TBCCD1: variants seen among roughly 807,000 people sequenced by gnomAD.
TBCCD1 encodes the protein TBCC domain containing 1.
A neutral mutation model predicts 53.4 loss-of-function variants in TBCCD1; 26 were observed. That is an observed-to-expected ratio of 0.49 (90% CI 0.36 to 0.68). The LOEUF (loss-of-function observed/expected upper bound fraction) is 0.68, where lower values mean the gene tolerates loss of function less well. TBCCD1 is among the 30% of genes least tolerant of loss of function. The probability of loss-of-function intolerance (pLI) is 0.00; values close to 1 mark genes in which losing one functional copy is unlikely to be tolerated. For missense variants in TBCCD1, 558 were observed against 669.5 expected (o/e 0.83, Z 1.84); for synonymous variants, 245 against 241.7 (o/e 1.01, Z -0.13).
chr3:186,549,964 C>T (rs1025366264), intron 7 of TBCCD1, among the ~76,000 whole-genome samples: 4 of 152,008 alleles, frequency 2.6e-5, no homozygotes, highest in South Asian at 2.1e-4. Flanking sequence ...CGGTGGCTCA[C>T]GTCTGTAATC....
At chr3:186,564,456 A>C (rs1714771823) in intron 1 of TBCCD1, 84 bp from the exon 2 acceptor site, 1 of 863,738 alleles carries the variant, frequency 1.2e-6, no homozygotes, top group Non-Finnish European at 1.7e-6. Flanking sequence ...CCTCTCTCTC[A>C]ACTGTGTCAT....
In TBCCD1 at chr3:186,564,302, C is replaced by T. The variant is rs752232227; in HGVS notation, c.28G>A (p.Val10Met). 6.2e-7 allele frequency: 1 copy of T among 1,614,028 alleles called. No individual in the cohort carries two copies. The highest frequency in any genetic ancestry group is 8.5e-7 in the Non-Finnish European group (1 of 1,179,936). Residue 10 changes from valine (V) to methionine (M), a missense_variant, in exon 2 of 8, where the codon GTG (valine) becomes ATG (methionine). Coordinates refer to ENST00000338733, the MANE Select transcript of TBCCD1 (RefSeq NM_018138.5). ...CCCACTATAAAGGGTTCTGCTTTCACCCAGAGGAGAACTCTGGACTGATCC... is the reference window on the plus strand; with the variant it reads ...CCCACTATAAAGGGTTCTGCTTTCATCCAGAGGAGAACTCTGGACTGATCC... MDQSRVLLW[V>M]KAEPFIVGAL...
At chr3:186,568,917 AAT>A (rs1307105226), upstream of TBCCD1, among the ~76,000 whole-genome samples, 7 of 146,700 alleles carry the variant, frequency 4.8e-5, no homozygotes, top group African/African-American at 1.3e-4. Context: ...AAAAAAAAGA[AAT>A]AAAGAAAAGA....
At chr3:186,557,730 T>A (rs1026961425) in intron 3 of TBCCD1, among the ~76,000 whole-genome samples, 1 of 152,046 alleles carries the variant, frequency 6.6e-6, no homozygotes, top group South Asian at 2.1e-4. Context: ...CCAAGAGTAA[T>A]AGCATCATGG....
At position 186,564,222 on chromosome 3, in the gene TBCCD1, T is replaced by A. The variant is rs1021269615; in HGVS notation, c.108A>T (p.Ile36=). 8 of 1,614,072 alleles carry A rather than the reference T, an allele frequency of 5.0e-6. No homozygotes were observed. The highest frequency in any genetic ancestry group is 1.3e-5 in the African/African-American group (1 of 74,916). ...TGGCCCGGATTTGCACATAGGTGGA[T>A]ATCTTCCTGAGATAGTGAAGACTAA... The part of the protein sequence containing the change: ...SKFSLHYLRK[I]STYVQIRATE... The change falls in exon 2 of 8, where the codon ATA becomes ATT. Residue 36 remains isoleucine, a synonymous_variant. Coordinates refer to ENST00000338733, the MANE Select transcript of TBCCD1 (RefSeq NM_018138.5).
upstream of TBCCD1, among the ~76,000 whole-genome samples, chr3:186,568,077 C>T (rs1468572614): frequency 6.6e-6 from 1 of 152,062 alleles, no homozygotes; most frequent in African/African-American, 2.4e-5. Flanking sequence ...AATTTAGTTC[C>T]TCTTTTGTGT....
At chr3:186,551,745 C>T (rs751702283) in intron 6 of TBCCD1, among the ~76,000 whole-genome samples, 2 of 152,302 alleles carry the variant, frequency 1.3e-5, no homozygotes, top group South Asian at 2.1e-4. Flanking sequence ...GAGGCCAACG[C>T]GGGTGGATCG....
chr3:186,568,899 T>A (rs2108468618), upstream of TBCCD1, among the ~76,000 whole-genome samples: 1 of 135,806 alleles, frequency 7.4e-6, no homozygotes, highest in South Asian at 2.3e-4. Context: ...CGAGACTCTG[T>A]CTCAGGAAAA....
At chr3:186,551,310 T>G in intron 6 of TBCCD1, 31 bp from the exon 7 acceptor site, 2 of 1,594,936 alleles carry the variant, frequency 1.3e-6, no homozygotes, top group African/African-American at 1.3e-5. Flanking sequence ...AAAAAGAATA[T>G]AAGAACATGA....
chr3:186,559,495 T>G (rs992174473), intron 2 of TBCCD1, among the ~76,000 whole-genome samples: 1 of 152,160 alleles, frequency 6.6e-6, no homozygotes, highest in African/African-American at 2.4e-5. Context: ...GCTCACGACT[T>G]GAAGCCCCTG....
intron 1 of TBCCD1, among the ~76,000 whole-genome samples, chr3:186,564,576 A>G (rs1714775150): frequency 6.6e-6 from 1 of 152,220 alleles, no homozygotes; most frequent in Non-Finnish European, 1.5e-5. Context: ...TGATAAAACA[A>G]AATTATCTTA....
chr3:186,558,886 G>A (rs1413186072), intron 2 of TBCCD1, among the ~76,000 whole-genome samples: 1 of 152,150 alleles, frequency 6.6e-6, no homozygotes, highest in Non-Finnish European at 1.5e-5. Flanking sequence ...GGGATTACAA[G>A]CATGTGCCAC....
At chr3:186,562,751 T>TG (rs1714723813) in intron 2 of TBCCD1, among the ~76,000 whole-genome samples, 1 of 152,034 alleles carries the variant, frequency 6.6e-6, no homozygotes, top group African/African-American at 2.4e-5. Flanking sequence ...TGGGGGGTGA[T>TG]GGGTATGTCT....
intron 4 of TBCCD1, 93 bp downstream of exon 4, chr3:186,556,316 C>G: frequency 6.9e-7 from 1 of 1,448,644 alleles, no homozygotes. Flanking sequence ...TTTAGGTCTT[C>G]TAGAGAAGAC....
chr3:186,551,080 T>G, intron 7 of TBCCD1, 49 bp downstream of exon 7: 1 of 1,564,218 alleles, frequency 6.4e-7, no homozygotes, highest in South Asian at 1.2e-5. Context: ...TTTTTTATGC[T>G]TGAAAGATTT....
intron 2 of TBCCD1, among the ~76,000 whole-genome samples, chr3:186,561,784 G>A (rs938345997): frequency 4.7e-5 from 7 of 149,916 alleles, no homozygotes; most frequent in Non-Finnish European, 7.4e-5. Flanking sequence ...GCGAGACTCC[G>A]TCTCAAAAAA....
intron 4 of TBCCD1, among the ~76,000 whole-genome samples, chr3:186,555,426 A>AT (rs765263078): frequency 6.6e-6 from 1 of 152,184 alleles, no homozygotes; most frequent in Non-Finnish European, 1.5e-5. Context: ...TCCTAACTCA[A>AT]ATATCTTCTC....
intron 5 of TBCCD1, 69 bp from the exon 6 acceptor site, chr3:186,554,820 A>T: frequency 6.3e-7 from 1 of 1,594,590 alleles, no homozygotes; most frequent in East Asian, 2.2e-5. Context: ...AAATATTATT[A>T]TCTGATGGCA....
At chr3:186,560,860 C>T (rs1485299466) in intron 2 of TBCCD1, among the ~76,000 whole-genome samples, 2 of 152,164 alleles carry the variant, frequency 1.3e-5, no homozygotes. Context: ...ACAAGGGTGT[C>T]AAGAATACAA....
Sources: gnomAD v4.1 joint callset for allele counts (sites outside exome capture counted in the v4.1 genomes callset) on GRCh38, gnomAD v4.1.1 for gene constraint, MANE v1.5 for transcripts, NCBI Gene and HGNC (gene_info 2026-07-23, HGNC 2026-07-21) for gene names.